The following FGF13 variants were observed in gnomAD, a reference collection of about 807,000 sequenced individuals.
FGF13 encodes fibroblast growth factor homologous factor 2.
FGF13 carries 2 observed loss-of-function variants against 19.5 expected under a neutral mutation model. The ratio of observed to expected loss-of-function variants is 0.10; its 90% CI spans 0.04 to 0.32. The LOEUF (loss-of-function observed/expected upper bound fraction) is 0.32. FGF13 is among the 10% of genes least tolerant of loss of function. The pLI, the probability that FGF13 is intolerant of heterozygous loss-of-function variation, is 1.00. For missense variants in FGF13, 113 were observed against 192.7 expected (o/e 0.59, Z 2.45); for synonymous variants, 72 against 76.9 (o/e 0.94, Z 0.33).
At chrX:138,681,166 C>CA (rs759043580) in intron 3 of FGF13, among the ~76,000 whole-genome samples, 854 of 40,663 alleles carry the variant, frequency 0.021, 10 homozygotes, top group East Asian at 0.095. Context: ...AGAGTGAGAC[C>CA]AAAAAAAAAA....
intron 3 of FGF13, among the ~76,000 whole-genome samples, chrX:138,800,785 T>A (rs181897335): frequency 6.2e-5 from 7 of 112,260 alleles, no homozygotes; most frequent in Admixed American, 5.7e-4. Flanking sequence ...TTGCTCCTTT[T>A]CATTCTTTTT....
intron 1 of FGF13, among the ~76,000 whole-genome samples, chrX:138,970,343 G>A (rs935906649): frequency 4.5e-5 from 5 of 111,305 alleles, no homozygotes; most frequent in African/African-American, 1.3e-4. Flanking sequence ...AGTGAGTCAC[G>A]CAGCTACTAA....
intron 3 of FGF13, 60 bp downstream of exon 3, chrX:138,702,924 T>G: frequency 2.4e-6 from 2 of 823,567 alleles, no homozygotes; most frequent in South Asian, 2.1e-5. Context: ...TAAAGCACAT[T>G]TTCTTTCATA....
At chrX:139,202,969 G>A (rs2084427744) in intron 1 of FGF13, among the ~76,000 whole-genome samples, 1 of 111,979 alleles carries the variant, frequency 8.9e-6, no homozygotes, top group South Asian at 3.7e-4. Context: ...TGCACCTAAG[G>A]CACCTGCTGT....
At chrX:138,691,925 C>A (rs5976188) in intron 3 of FGF13, among the ~76,000 whole-genome samples, 3,883 of 111,580 alleles carry the variant, frequency 0.035, 136 homozygotes, top group African/African-American at 0.12. Flanking sequence ...GGGGCTTGCC[C>A]GTTATTAACC....
chrX:139,145,557 A>G (rs941585779), intron 1 of FGF13, among the ~76,000 whole-genome samples: 1 of 110,171 alleles, frequency 9.1e-6, no homozygotes, highest in Non-Finnish European at 1.9e-5. Context: ...CCTTCAAGCC[A>G]TAAAACTTAC....
At chrX:138,695,583 T>G (rs1035628927) in intron 3 of FGF13, among the ~76,000 whole-genome samples, 50 of 111,564 alleles carry the variant, frequency 4.5e-4, no homozygotes, top group Non-Finnish European at 5.8e-4. Flanking sequence ...AAACTGTGTG[T>G]GTGTGGGAAA....
chrX:139,103,083 A>G (rs2083527550), intron 1 of FGF13, among the ~76,000 whole-genome samples: 1 of 112,009 alleles, frequency 8.9e-6, no homozygotes, highest in South Asian at 3.7e-4. Context: ...CATGCCTTGC[A>G]CTTTCCCACA....
chrX:138,877,452 G>A (rs1283020229), intron 1 of FGF13, among the ~76,000 whole-genome samples: 1 of 111,562 alleles, frequency 9.0e-6, no homozygotes, highest in Non-Finnish European at 1.9e-5. Context: ...TATACAGCGT[G>A]AAACCAGCCA....
At position 139,102,986 on chromosome X, in the gene FGF13, G is replaced by A. The variant is rs138857173; in HGVS notation, c.-113+100430C>T. The stretch of plus-strand genomic sequence containing the variant: ...AATATAAGAGAGAGTTTGTGTTGAG[G>A]ATCTTGGGAGATAAGGCAGGGTAAG... On this transcript the variant is annotated intron_variant, in intron 1 of 2. Transcript: ENST00000421460. 5.8e-3 allele frequency among the ~76,000 whole-genome samples: 658 copies of A among 112,598 alleles called. 9 individuals carry two copies. Among genetic ancestry groups the A allele is most frequent in the African/African-American group, 0.019 (604 of 31,033 alleles).
In FGF13 at chrX:138,767,065, G is replaced by A. The variant is rs947872221; in HGVS notation, c.218-58137C>T. ...AGGTGCTCAAGGACGAGGCTCTGTG[G>A]GCCAAGTTTTCAGAGTCTAAGCGGC... is the stretch of plus-strand genomic sequence containing the variant. On this transcript the variant is annotated intron_variant, in intron 3 of 6. Coordinates refer to the FGF13 transcript ENST00000436198. Among the ~76,000 whole-genome samples the A allele has an allele frequency of 3.6e-5, 4 of 111,225 alleles. No individual in the cohort carries two copies. In the Admixed American group the frequency reaches 3.8e-4, roughly 11 times the overall value.
chrX:138,950,890 C>T (rs184172235), intron 1 of FGF13, among the ~76,000 whole-genome samples: 97 of 111,090 alleles, frequency 8.7e-4, no homozygotes, highest in Middle Eastern at 4.6e-3. Flanking sequence ...GTAACCCTTC[C>T]TATATTTGCT....
intron 1 of FGF13, among the ~76,000 whole-genome samples, chrX:139,016,008 C>G (rs1420941053): frequency 9.0e-6 from 1 of 111,279 alleles, no homozygotes; most frequent in Non-Finnish European, 1.9e-5. Flanking sequence ...TATCCATATG[C>G]AAAAGAATGA....
intron 3 of FGF13, among the ~76,000 whole-genome samples, chrX:138,839,188 A>G (rs943842050): frequency 1.8e-5 from 2 of 111,100 alleles, no homozygotes; most frequent in African/African-American, 6.6e-5. Context: ...TCTTTGTCAT[A>G]TGATACCTTT....
chrX:138,878,873 GT>G (rs745405300), intron 1 of FGF13, among the ~76,000 whole-genome samples: 1 of 111,739 alleles, frequency 8.9e-6, no homozygotes, highest in Non-Finnish European at 1.9e-5. Flanking sequence ...TCTCATTGTG[GT>G]TTTTATTTGC....
At chrX:139,175,018 C>A (rs189716400) in intron 1 of FGF13, among the ~76,000 whole-genome samples, 1 of 111,984 alleles carries the variant, frequency 8.9e-6, no homozygotes, top group East Asian at 2.8e-4. Flanking sequence ...TTGTTTCTTC[C>A]TATCCAGGAG....
intron 1 of FGF13, among the ~76,000 whole-genome samples, chrX:138,726,412 G>A (rs1178098813): frequency 8.9e-6 from 1 of 111,929 alleles, no homozygotes; most frequent in African/African-American, 3.2e-5. Flanking sequence ...TTTTTCTATT[G>A]TGAAATTTAA....
chrX:138,727,806 G>A (rs1337594672), intron 1 of FGF13, among the ~76,000 whole-genome samples: 2 of 111,497 alleles, frequency 1.8e-5, no homozygotes, highest in East Asian at 5.7e-4. Context: ...ACAATAAAGA[G>A]ATGGAAAAAC....
intron 3 of FGF13, among the ~76,000 whole-genome samples, chrX:138,768,740 T>G (rs1267090763): frequency 8.0e-5 from 8 of 100,617 alleles, no homozygotes. Context: ...ATATATATGA[T>G]ATATATATAT....
Sources: allele counts gnomAD v4.1 joint callset (sites outside exome capture counted in the v4.1 genomes callset), GRCh38; gene constraint gnomAD v4.1.1; transcripts MANE v1.5; gene names NCBI Gene and HGNC (gene_info 2026-07-23, HGNC 2026-07-21).